The following GAS2 variants were observed in gnomAD, a reference collection of about 807,000 sequenced individuals.
GAS2 encodes growth arrest-specific protein 2.
A neutral mutation model predicts 37.5 loss-of-function variants in GAS2; 20 were observed. The observed-to-expected ratio is 0.53, with a 90% confidence interval of 0.37 to 0.77. GAS2 has a LOEUF of 0.77. GAS2 is among the 30% of genes least tolerant of loss of function. GAS2 has a pLI of 0.00. For missense variants in GAS2, 336 were observed against 373.4 expected, an observed-to-expected ratio of 0.90 and a Z score of 0.82; for synonymous variants, 144 against 132.2, an observed-to-expected ratio of 1.09 and a Z score of -0.61.
chr11:22,645,407 T>A (rs1848677183), intron 1 of GAS2, among the ~76,000 whole-genome samples: 3 of 152,052 alleles, frequency 2.0e-5, no homozygotes, highest in Admixed American at 2.0e-4. Flanking sequence ...CTCAGGAGGC[T>A]GAGGCACTAG....
At chr11:22,760,136 A>AT (rs1854294066) in intron 7 of GAS2, among the ~76,000 whole-genome samples, 1 of 107,840 alleles carries the variant, frequency 9.3e-6, no homozygotes, top group African/African-American at 2.7e-5. Context: ...TTTAATTTTT[A>AT]ATTTTTTTTT....
At chr11:22,760,317 G>A (rs548310755) in intron 7 of GAS2, among the ~76,000 whole-genome samples, 1 of 152,004 alleles carries the variant, frequency 6.6e-6, no homozygotes, top group Non-Finnish European at 1.5e-5. Flanking sequence ...CCAAAGATTA[G>A]CAGCATCAGC....
chr11:22,665,929 T>C (rs1848977405), upstream of GAS2, among the ~76,000 whole-genome samples: 1 of 152,218 alleles, frequency 6.6e-6, no homozygotes, highest in Non-Finnish European at 1.5e-5. Flanking sequence ...GATGGCAATA[T>C]ACATGAAACT....
chr11:22,752,983 G>A (rs760100622), intron 6 of GAS2, among the ~76,000 whole-genome samples: 15 of 152,042 alleles, frequency 9.9e-5, no homozygotes, highest in Non-Finnish European at 1.9e-4. Flanking sequence ...GTGATAAAAC[G>A]GTGGAGTCAG....
chr11:22,652,197 G>A (rs988099062), intron 1 of GAS2, among the ~76,000 whole-genome samples: 3 of 152,188 alleles, frequency 2.0e-5, no homozygotes, highest in Non-Finnish European at 2.9e-5. Flanking sequence ...GTGTCAGTGT[G>A]CCCCTGCTGG....
intron 7 of GAS2, among the ~76,000 whole-genome samples, chr11:22,769,369 T>C (rs959809913): frequency 1.3e-5 from 2 of 152,196 alleles, no homozygotes; most frequent in Admixed American, 1.3e-4. Context: ...CCCCAACATC[T>C]TGTAACAAAA....
intron 7 of GAS2, among the ~76,000 whole-genome samples, chr11:22,789,639 T>C (rs912275640): frequency 4.2e-4 from 56 of 133,844 alleles, no homozygotes; most frequent in Admixed American, 1.3e-3. Context: ...TTTTTTTGTA[T>C]TTTTTTTAGT....
At chr11:22,652,429 T>A (rs1848790191) in intron 1 of GAS2, among the ~76,000 whole-genome samples, 1 of 152,226 alleles carries the variant, frequency 6.6e-6, no homozygotes, top group Admixed American at 6.5e-5. Context: ...CAGGCCTCCT[T>A]GAGCTGTGGT....
At chr11:22,715,477 A>AG (rs1245859969) in intron 3 of GAS2, among the ~76,000 whole-genome samples, 5 of 149,434 alleles carry the variant, frequency 3.3e-5, no homozygotes, top group Non-Finnish European at 5.9e-5. Flanking sequence ...AAAAAAAAAA[A>AG]AAAAAAGAAA....
At chr11:22,774,418 A>G (rs1499243) in intron 7 of GAS2, among the ~76,000 whole-genome samples, 56,802 of 152,166 alleles carry the variant, frequency 0.37, 10,748 homozygotes, top group Non-Finnish European at 0.39. Flanking sequence ...ACTTATCTTC[A>G]AACATGATCT....
chr11:22,709,203 G>C (rs1227195958), intron 3 of GAS2, among the ~76,000 whole-genome samples: 2 of 93,418 alleles, frequency 2.1e-5, no homozygotes, highest in Non-Finnish European at 6.0e-5. Flanking sequence ...TGCACAGCAT[G>C]GTAATGAAAA....
At chr11:22,765,322 A>G (rs1304086713) in intron 7 of GAS2, among the ~76,000 whole-genome samples, 4 of 152,194 alleles carry the variant, frequency 2.6e-5, no homozygotes, top group African/African-American at 9.7e-5. Context: ...GAACCGGTCC[A>G]CTGATTTGAC....
chr11:22,700,675 G>A (rs1277793479), intron 3 of GAS2, among the ~76,000 whole-genome samples: 1 of 152,090 alleles, frequency 6.6e-6, no homozygotes, highest in African/African-American at 2.4e-5. Flanking sequence ...TAAAAATTAT[G>A]ATAAAAATGA....
intron 7 of GAS2, among the ~76,000 whole-genome samples, chr11:22,765,308 A>G (rs1448483086): frequency 6.6e-6 from 1 of 152,242 alleles, no homozygotes; most frequent in African/African-American, 2.4e-5. Context: ...TATAGTAGAG[A>G]GTTGAACCGG....
chr11:22,673,641 C>T (rs951443212), intron 1 of GAS2, among the ~76,000 whole-genome samples: 19 of 151,924 alleles, frequency 1.3e-4, no homozygotes, highest in African/African-American at 4.6e-4. Flanking sequence ...CATGGTGGCT[C>T]AACGCCTGTA....
chr11:22,647,836 T>C (rs1172825701), intron 1 of GAS2, among the ~76,000 whole-genome samples: 1 of 152,228 alleles, frequency 6.6e-6, no homozygotes, highest in Non-Finnish European at 1.5e-5. Context: ...TTTTGTCAGA[T>C]GAGTAGGTTG....
chr11:22,730,243 A>G (rs1852407229), intron 4 of GAS2, among the ~76,000 whole-genome samples: 1 of 151,890 alleles, frequency 6.6e-6, no homozygotes, highest in South Asian at 2.1e-4. Flanking sequence ...ATTTTCTTCA[A>G]TTATCTATTA....
chr11:22,678,073 C>T (rs889347480), intron 2 of GAS2, among the ~76,000 whole-genome samples: 2 of 152,052 alleles, frequency 1.3e-5, no homozygotes, highest in African/African-American at 4.8e-5. Flanking sequence ...CTAAAAGAAT[C>T]TCAAGATACA....
At position 22,730,954 on chromosome 11, in the gene GAS2, G is replaced by A. The variant is rs184800925; in HGVS notation, c.409+4521G>A. On this transcript the variant is annotated intron_variant, in intron 4 of 7. Transcript: ENST00000454584. ...AAAATGATGTTGAGTGTTTTTATGG[G>A]GCTAAGTTTTACAATTTAAATTAAG... 2.3e-4 allele frequency among the ~76,000 whole-genome samples: 35 copies of A among 151,552 alleles called. 1 individual carries two copies. In the East Asian group the frequency reaches 6.0e-3, roughly 26 times the overall value.
Sources: gnomAD v4.1 joint callset for allele counts (sites outside exome capture counted in the v4.1 genomes callset) on GRCh38, gnomAD v4.1.1 for gene constraint, MANE v1.5 for transcripts, NCBI Gene and HGNC (gene_info 2026-07-23, HGNC 2026-07-21) for gene names.